EDA: variants seen among roughly 807,000 people sequenced by gnomAD.
EDA encodes the protein ectodysplasin-A.
Under a neutral mutation model 23.6 loss-of-function variants are expected in EDA, and 2 were observed. The observed-to-expected ratio is 0.08, with a 90% CI of 0.03 to 0.27. The LOEUF (loss-of-function observed/expected upper bound fraction) is 0.27. Among genes scored for constraint, EDA ranks in the 10% least tolerant of loss-of-function variants. The pLI, the probability that EDA is intolerant of heterozygous loss-of-function variation, is 1.00. For synonymous variants in EDA, 131 were observed against 132.0 expected (o/e 0.99, Z 0.05); for missense variants, 229 against 324.2 (o/e 0.71, Z 2.26).
At chrX:69,642,462 TAC>T (rs1932850994) in intron 1 of EDA, among the ~76,000 whole-genome samples, 1 of 110,847 alleles carries the variant, frequency 9.0e-6, no homozygotes, top group South Asian at 3.9e-4. Flanking sequence ...AATAGCAACA[TAC>T]ACACATAGCG....
At chrX:69,930,726 A>G (rs2018586875) in intron 1 of EDA, among the ~76,000 whole-genome samples, 1 of 111,590 alleles carries the variant, frequency 9.0e-6, no homozygotes, top group Non-Finnish European at 1.9e-5. Flanking sequence ...GAAAGGAAAT[A>G]AAACTGTCTT....
intron 1 of EDA, among the ~76,000 whole-genome samples, chrX:69,890,788 A>G (rs1348361424): frequency 1.8e-5 from 2 of 111,910 alleles, no homozygotes; most frequent in African/African-American, 3.2e-5. Context: ...AACTTTAACT[A>G]TAAAACCCCT....
At chrX:69,907,836 T>C (rs965108649) in intron 1 of EDA, among the ~76,000 whole-genome samples, 1 of 110,697 alleles carries the variant, frequency 9.0e-6, no homozygotes, top group Admixed American at 9.7e-5. Context: ...AAGAGATATC[T>C]ATTCCCTTTG....
rs565253197 is a variant in EDA at position 69,970,313 on chromosome X, C to A, written c.502+13181C>A. Among the ~76,000 whole-genome samples, 9 of 112,300 alleles carry A rather than the reference C, an allele frequency of 8.0e-5. No homozygotes were observed. The East Asian group carries it at 2.5e-3, about 32-fold the overall frequency. ...TCATTATATAATGATAGTAATGATA[C>A]TTCCTTTGATAAGACTTTATAAGGA... is the stretch of plus-strand genomic sequence containing the variant. On this transcript the variant is annotated intron_variant, in intron 2 of 7. Coordinates refer to ENST00000374552, the MANE Select transcript of EDA (RefSeq NM_001399.5).
chrX:69,807,607 C>T (rs2015845118), intron 1 of EDA, among the ~76,000 whole-genome samples: 2 of 108,301 alleles, frequency 1.8e-5, no homozygotes, highest in South Asian at 8.1e-4. Context: ...ATTTCCTAGA[C>T]CACATCCTGT....
chrX:69,815,078 C>T (rs1026708312), intron 1 of EDA, among the ~76,000 whole-genome samples: 1 of 112,156 alleles, frequency 8.9e-6, no homozygotes, highest in African/African-American at 3.2e-5. Context: ...TCCACATTAT[C>T]TCACAAGTTA....
At chrX:69,822,950 T>G (rs6624438) in intron 1 of EDA, among the ~76,000 whole-genome samples, 36,925 of 93,667 alleles carry the variant, frequency 0.39, 7,679 homozygotes, top group East Asian at 0.68. Flanking sequence ...TGCGGTGTTT[T>G]GTTTTTTGTT....
chrX:69,741,127 G>A (rs2013445788), intron 1 of EDA, among the ~76,000 whole-genome samples: 1 of 109,976 alleles, frequency 9.1e-6, no homozygotes, highest in African/African-American at 3.3e-5. Context: ...GTTTCCTTTA[G>A]TTTTTTGAAC....
intron 1 of EDA, among the ~76,000 whole-genome samples, chrX:69,847,237 A>G (rs2017027093): frequency 9.0e-6 from 1 of 111,727 alleles, no homozygotes; most frequent in South Asian, 3.8e-4. Context: ...TATACTAGAC[A>G]TATCAGACAT....
intron 1 of EDA, among the ~76,000 whole-genome samples, chrX:69,631,781 A>G (rs1932603844): frequency 9.0e-6 from 1 of 111,357 alleles, no homozygotes. Flanking sequence ...ATGATATGCC[A>G]GACACTATAC....
intron 1 of EDA, among the ~76,000 whole-genome samples, chrX:69,692,511 A>G (rs1197063197): frequency 8.9e-6 from 1 of 112,042 alleles, no homozygotes; most frequent in Non-Finnish European, 1.9e-5. Flanking sequence ...TGCCTTAGCT[A>G]GCTAACACAC....
intron 1 of EDA, among the ~76,000 whole-genome samples, chrX:69,683,465 A>G (rs930797378): frequency 6.3e-5 from 7 of 111,825 alleles, no homozygotes; most frequent in African/African-American, 1.3e-4. Flanking sequence ...TATGAATGCC[A>G]TGTATTCCAT....
intron 1 of EDA, among the ~76,000 whole-genome samples, chrX:69,871,665 C>T (rs949714424): frequency 8.9e-6 from 1 of 112,248 alleles, no homozygotes; most frequent in African/African-American, 3.2e-5. Context: ...CACAGACACA[C>T]CCAGGATTAA....
intron 1 of EDA, among the ~76,000 whole-genome samples, chrX:69,935,414 T>G (rs1407136656): frequency 8.9e-6 from 1 of 111,989 alleles, no homozygotes; most frequent in African/African-American, 3.2e-5. Context: ...CCACCAACAG[T>G]GTACAAGGGT....
chrX:69,800,596 G>T (rs1419102696), intron 1 of EDA, among the ~76,000 whole-genome samples: 2 of 111,454 alleles, frequency 1.8e-5, no homozygotes, highest in African/African-American at 6.5e-5. Flanking sequence ...AGGGGCTGGA[G>T]ACTGATGAAT....
chrX:69,961,889 G>C (rs926304933), intron 2 of EDA, among the ~76,000 whole-genome samples: 9 of 112,119 alleles, frequency 8.0e-5, no homozygotes, highest in Non-Finnish European at 1.7e-4. Context: ...ATTTCTTGCT[G>C]TGTCTTATCT....
chrX:69,967,611 T>C (rs1460500867), intron 2 of EDA, among the ~76,000 whole-genome samples: 1 of 112,047 alleles, frequency 8.9e-6, no homozygotes, highest in Non-Finnish European at 1.9e-5. Flanking sequence ...CTGGCCTAAA[T>C]TGGCTTAAGA....
chrX:69,976,107 A>G, intron 2 of EDA, among the ~76,000 whole-genome samples: 1 of 111,780 alleles, frequency 8.9e-6, no homozygotes, highest in Non-Finnish European at 1.9e-5. Context: ...GAAAGTTTTA[A>G]TAAATACAAA....
intron 1 of EDA, among the ~76,000 whole-genome samples, chrX:69,785,880 C>A (rs2015147270): frequency 9.1e-6 from 1 of 109,306 alleles, no homozygotes; most frequent in African/African-American, 3.3e-5. Context: ...ACCAGTTCCT[C>A]CTTGTACCTC....
Sources: allele counts gnomAD v4.1 joint callset (sites outside exome capture counted in the v4.1 genomes callset), GRCh38; gene constraint gnomAD v4.1.1; transcripts MANE v1.5; gene names NCBI Gene and HGNC (gene_info 2026-07-23, HGNC 2026-07-21).